Variants in DNAH9 observed in about 807,000 individuals in gnomAD.
DNAH9 encodes the protein dynein axonemal heavy chain 9.
A neutral mutation model predicts 471.6 loss-of-function variants in DNAH9; 345 were observed. The observed-to-expected ratio is 0.73, with a 90% CI of 0.67 to 0.80. The LOEUF is 0.80. Ranked by LOEUF, DNAH9 falls within the 30% of genes least tolerant of loss-of-function variation. The pLI, the probability that DNAH9 is intolerant of heterozygous loss-of-function variation, is 0.00. For synonymous variants in DNAH9, 2,093 were observed against 2,123.6 expected, an observed-to-expected ratio of 0.99 and a Z score of 0.40; for missense variants, 5,407 against 5,609.2, an observed-to-expected ratio of 0.96 and a Z score of 1.15.
chr17:11,839,664 A>G (rs1970965539), intron 49 of DNAH9, among the ~76,000 whole-genome samples: 1 of 152,166 alleles, frequency 6.6e-6, no homozygotes, highest in South Asian at 2.1e-4. Context: ...GTTTTTCTAC[A>G]CATTTATGTT....
chr17:11,791,447 CT>C (rs1969060491), intron 41 of DNAH9, among the ~76,000 whole-genome samples: 1 of 152,190 alleles, frequency 6.6e-6, no homozygotes, highest in African/African-American at 2.4e-5. Context: ...TGAGGTGGCT[CT>C]TGCCTGTAAT....
At chr17:11,749,781 G>A (rs1043770087) in intron 32 of DNAH9, among the ~76,000 whole-genome samples, 6 of 151,950 alleles carry the variant, frequency 3.9e-5, no homozygotes, top group Admixed American at 3.3e-4. Flanking sequence ...TTACTAAATT[G>A]CATATGTATA....
At chr17:11,646,045 A>G (rs2073381810) in intron 11 of DNAH9, among the ~76,000 whole-genome samples, 1 of 151,588 alleles carries the variant, frequency 6.6e-6, no homozygotes, top group Non-Finnish European at 1.5e-5. Context: ...ACACCCGGCT[A>G]ATTTTTTGTA....
At chr17:11,918,134 G>A (rs1005414653) in intron 61 of DNAH9, among the ~76,000 whole-genome samples, 1 of 152,128 alleles carries the variant, frequency 6.6e-6, no homozygotes, top group African/African-American at 2.4e-5. Context: ...CCAGATTCTC[G>A]AAACTTTGCT....
Position 11,651,158 on chromosome 17 carries a change from G to A in DNAH9, c.2187G>A (p.Arg729=). The A allele has an allele frequency of 1.9e-6, 3 of 1,614,100 alleles. No homozygotes were observed. Among genetic ancestry groups the A allele is most frequent in the Non-Finnish European group, 2.5e-6 (3 of 1,180,002 alleles). The change falls in exon 13 of 69, where the codon AGG becomes AGA. Residue 729 remains arginine (R), a synonymous_variant. Transcript: ENST00000262442. The part of the protein sequence containing the change: ...PETAAAMFSS[R]DFYRQLVANL... ...CAGCAGCAGCCATGTTCTCCTCCAGGGATTTCTATCGGCAGCTTGTGGCTA... is the reference window on the plus strand; with the variant it reads ...CAGCAGCAGCCATGTTCTCCTCCAGAGATTTCTATCGGCAGCTTGTGGCTA...
At chr17:11,621,488 G>GGAA in intron 6 of DNAH9, among the ~76,000 whole-genome samples, 2 of 152,124 alleles carry the variant, frequency 1.3e-5, no homozygotes, top group Non-Finnish European at 2.9e-5. Flanking sequence ...TCATGAGCAG[G>GGAA]TTTGGAGGAA....
intron 15 of DNAH9, among the ~76,000 whole-genome samples, chr17:11,667,824 G>T: frequency 6.6e-6 from 1 of 152,176 alleles, no homozygotes; most frequent in South Asian, 2.1e-4. Context: ...CCATCATGTT[G>T]TCCTACATCC....
Position 11,881,276 on chromosome 17 carries a change from C to T in DNAH9, c.10669C>T (p.Leu3557=), listed in dbSNP as rs755150580. The part of the protein sequence containing the change: ...PKFRLILHTK[L]ANPHYQPELQ... ...GTTCCGGCTCATCCTCCACACCAAG[C>T]TGGCTAATCCTCACTACCAGCCTGA... The change falls in exon 55 of 69, where the codon CTG becomes TTG. Residue 3557 remains leucine (L), a synonymous_variant. Transcript: ENST00000262442. 2 of 1,614,086 alleles carry T rather than the reference C, an allele frequency of 1.2e-6. No individual in the cohort carries two copies. The highest frequency in any genetic ancestry group is 1.1e-5 in the South Asian group (1 of 91,086).
intron 19 of DNAH9, among the ~76,000 whole-genome samples, chr17:11,682,895 G>A (rs2074160265): frequency 6.6e-6 from 1 of 152,096 alleles, no homozygotes; most frequent in Non-Finnish European, 1.5e-5. Flanking sequence ...ATTGCCTTAG[G>A]AGCCACGCCC....
chr17:11,843,102 G>C (rs1971085845), intron 49 of DNAH9, among the ~76,000 whole-genome samples: 7 of 152,164 alleles, frequency 4.6e-5, no homozygotes. Context: ...CAGAATCCAA[G>C]AGGCACTGTC....
chr17:11,720,387 A>T (rs1042433534), intron 27 of DNAH9, among the ~76,000 whole-genome samples: 2 of 152,030 alleles, frequency 1.3e-5, no homozygotes, highest in African/African-American at 4.8e-5. Flanking sequence ...TCCTAATGCT[A>T]TCCCTCCCCG....
intron 26 of DNAH9, among the ~76,000 whole-genome samples, chr17:11,716,083 T>TC (rs1491548216): frequency 4.1e-5 from 3 of 73,078 alleles, no homozygotes; most frequent in Non-Finnish European, 7.6e-5. Context: ...TTTCTTTCTC[T>TC]TTTTTTTTTT....
At chr17:11,944,591 TG>T (rs955141736) in intron 67 of DNAH9, among the ~76,000 whole-genome samples, 1 of 152,152 alleles carries the variant, frequency 6.6e-6, no homozygotes, top group Non-Finnish European at 1.5e-5. Flanking sequence ...GAAAAGTAGC[TG>T]GGACCTTTGT....
chr17:11,654,517 G>A (rs1567694970), intron 14 of DNAH9, among the ~76,000 whole-genome samples: 3 of 151,838 alleles, frequency 2.0e-5, no homozygotes, highest in Admixed American at 6.6e-5. Flanking sequence ...CACAAAATCA[G>A]TGAGACAAGC....
intron 38 of DNAH9, among the ~76,000 whole-genome samples, chr17:11,778,077 T>C (rs1968508601): frequency 6.6e-6 from 1 of 151,456 alleles, no homozygotes; most frequent in African/African-American, 2.4e-5. Context: ...ACTGGAAAAA[T>C]AGCACCTGGG....
At chr17:11,670,019 T>C (rs2073949177) in intron 17 of DNAH9, among the ~76,000 whole-genome samples, 1 of 152,178 alleles carries the variant, frequency 6.6e-6, no homozygotes. Context: ...TCATGTCCAG[T>C]GTGTGAAAGG....
intron 27 of DNAH9, 26 bp downstream of exon 27, chr17:11,719,516 G>C: frequency 6.3e-7 from 1 of 1,590,894 alleles, no homozygotes; most frequent in Non-Finnish European, 8.6e-7. Flanking sequence ...GCTTCCTGGG[G>C]GTGGGGGTGG....
intron 4 of DNAH9, among the ~76,000 whole-genome samples, chr17:11,613,964 T>A (rs2072689654): frequency 6.6e-6 from 1 of 152,198 alleles, no homozygotes; most frequent in Admixed American, 6.5e-5. Flanking sequence ...CTTCCCCAGG[T>A]GAGCTTCAAA....
At chr17:11,905,127 G>A (rs574114092) in intron 60 of DNAH9, among the ~76,000 whole-genome samples, 5 of 151,830 alleles carry the variant, frequency 3.3e-5, no homozygotes, top group South Asian at 4.2e-4. Flanking sequence ...CCAGCTACTC[G>A]GGAGGCTGAG....
Sources: allele counts gnomAD v4.1 joint callset (sites outside exome capture counted in the v4.1 genomes callset), GRCh38; gene constraint gnomAD v4.1.1; transcripts MANE v1.5; gene names NCBI Gene and HGNC (gene_info 2026-07-23, HGNC 2026-07-21).